TNR: variants seen among roughly 807,000 people sequenced by gnomAD.
TNR encodes the protein tenascin-R.
TNR carries 45 observed loss-of-function variants against 150.4 expected under a neutral mutation model. The ratio of observed to expected loss-of-function variants is 0.30; its 90% CI spans 0.24 to 0.38. TNR has a LOEUF of 0.38. TNR is among the 10% of genes least tolerant of loss of function. The pLI is 1.00. For missense variants in TNR, 1,544 were observed against 1,759.1 expected, an observed-to-expected ratio of 0.88 and a Z score of 2.19; for synonymous variants, 687 against 678.4, an observed-to-expected ratio of 1.01 and a Z score of -0.20.
chr1:175,592,110 T>A (rs575862152), intron 1 of TNR, among the ~76,000 whole-genome samples: 3 of 152,338 alleles, frequency 2.0e-5, no homozygotes, highest in Admixed American at 2.0e-4. Flanking sequence ...AGTTACTCAA[T>A]CTTTTGAAGA....
At chr1:175,500,159 G>A (rs61261957) in intron 2 of TNR, among the ~76,000 whole-genome samples, 2,109 of 152,240 alleles carry the variant, frequency 0.014, 54 homozygotes, top group African/African-American at 0.048. Flanking sequence ...CACCACCTGG[G>A]GGACGTGAAT....
rs146780951 is a variant in TNR, at chr1:175,379,733, G to A, written c.1782C>T (p.Ile594=). The change falls in exon 9 of 23, where the codon ATC becomes ATT. Residue 594 remains isoleucine, a synonymous_variant. Transcript: ENST00000367674. The part of the protein sequence containing the change: ...DSATTQFTTE[I]DAPKNLRVGS... ...CAACTCGCAAGTTCTTGGGGGCATC[G>A]ATCTCTAAAAATAGACAGACATCAC... 65 of 1,613,918 alleles carry A rather than the reference G, an allele frequency of 4.0e-5. 1 individual carries two copies. In the African/African-American group the frequency reaches 5.7e-4, roughly 14 times the overall value.
intron 1 of TNR, among the ~76,000 whole-genome samples, chr1:175,670,393 G>C (rs1485062851): frequency 6.6e-6 from 1 of 152,142 alleles, no homozygotes; most frequent in African/African-American, 2.4e-5. Context: ...GGGTAAAAAA[G>C]GCAGAGGTGG....
At chr1:175,348,585 G>C (rs2102000493) in intron 18 of TNR, among the ~76,000 whole-genome samples, 1 of 152,296 alleles carries the variant, frequency 6.6e-6, no homozygotes, top group Non-Finnish European at 1.5e-5. Flanking sequence ...AAACAGATCT[G>C]AGAGTAGAAT....
intron 1 of TNR, among the ~76,000 whole-genome samples, chr1:175,676,463 C>T (rs577561479): frequency 6.6e-6 from 1 of 152,172 alleles, no homozygotes; most frequent in South Asian, 2.1e-4. Flanking sequence ...GTGTTGAGAC[C>T]AGCAAGCGGA....
chr1:175,366,108 G>A lies in TNR; in HGVS notation c.2084C>T (p.Thr695Ile). Residue 695 changes from threonine to isoleucine, a missense_variant, in exon 11 of 23, where the codon ACA becomes ATA. Physicochemically the swap from Thr to Ile is moderately conservative, Grantham distance 89. This residue lies in a region of TNR where 1,254 missense variants were observed against 1,329.4 expected (regional missense o/e 0.94). Coordinates refer to ENST00000367674, the MANE Select transcript of TNR (RefSeq NM_003285.3). ...ELDSPRDLMV[T>I]ASSETSISLI... The stretch of plus-strand genomic sequence containing the variant: ...GGAGATGGAGGTCTCCGAGGAGGCT[G>A]TCACCATGAGGTCTCGGGGACTGTC... 6.2e-7 allele frequency: 1 copy of A among 1,611,790 alleles called. No individual in the cohort carries two copies. The highest frequency in any genetic ancestry group is 1.1e-5 in the South Asian group (1 of 90,734).
At chr1:175,700,371 G>T (rs148982440) in intron 1 of TNR, among the ~76,000 whole-genome samples, 100 of 152,300 alleles carry the variant, frequency 6.6e-4, no homozygotes, top group Admixed American at 1.7e-3. Flanking sequence ...CACTATTGTA[G>T]CTACGGGACC....
chr1:175,425,834 A>C lies in TNR; in HGVS notation c.-63-19057T>G, dbSNP rs558979842. Among the ~76,000 whole-genome samples, 7 of 152,274 alleles carry C rather than the reference A, an allele frequency of 4.6e-5. No individual in the cohort carries two copies. The East Asian group carries it at 1.4e-3, about 29-fold the overall frequency. ...CTAAGCAGTGAGTAAGGTGAAAAAC[A>C]ATGCTGAGAGTTTCAGGGCATTATT... is the stretch of plus-strand genomic sequence containing the variant. On this transcript the variant is annotated intron_variant, in intron 2 of 22. Transcript: ENST00000367674.
At chr1:175,723,934 T>C (rs1571791980) in intron 1 of TNR, among the ~76,000 whole-genome samples, 1 of 152,266 alleles carries the variant, frequency 6.6e-6, no homozygotes, top group South Asian at 2.1e-4. Context: ...CAAATTTATA[T>C]ATAAAGTATA....
chr1:175,735,308 G>A (rs1189278634), intron 1 of TNR, among the ~76,000 whole-genome samples: 1 of 152,168 alleles, frequency 6.6e-6, no homozygotes, highest in Non-Finnish European at 1.5e-5. Flanking sequence ...GTTGGGAGGA[G>A]GGAAAGAGGG....
intron 1 of TNR, among the ~76,000 whole-genome samples, chr1:175,652,056 G>A (rs1387331957): frequency 2.0e-5 from 3 of 148,910 alleles, no homozygotes; most frequent in Non-Finnish European, 1.5e-5. Flanking sequence ...TTTTTAATCT[G>A]ATAAAAGCTA....
rs1362706168 is a variant in TNR, at chr1:175,453,747, GT to G, written c.-63-46971del. On this transcript the variant is annotated intron_variant, in intron 2 of 22. Coordinates refer to ENST00000367674, the MANE Select transcript of TNR (RefSeq NM_003285.3). ...CCACCACACCTGGCTAATTAAAAAA[GT>G]TTTTTTTAGAGACTATGTCTCGCTT... 4.6e-5 allele frequency among the ~76,000 whole-genome samples: 7 copies of G among 151,500 alleles called. No homozygotes were observed. In the South Asian group the frequency reaches 6.3e-4, roughly 14 times the overall value.
intron 1 of TNR, among the ~76,000 whole-genome samples, chr1:175,579,165 T>TTTCTTTCCTTCCTTCCTTCC (rs1553242566): frequency 7.4e-6 from 1 of 134,380 alleles, no homozygotes; most frequent in Non-Finnish European, 1.6e-5. Context: ...TCGTTCCTTC[T>TTTCTTTCCTTCCTTCCTTCC]TTCCTTCCTT....
At chr1:175,586,561 C>T (rs1662583230) in intron 1 of TNR, among the ~76,000 whole-genome samples, 1 of 152,172 alleles carries the variant, frequency 6.6e-6, no homozygotes. Context: ...CCACCTCAGC[C>T]TCCCAAAGTG....
intron 18 of TNR, among the ~76,000 whole-genome samples, chr1:175,352,021 C>T (rs372817569): frequency 2.0e-5 from 3 of 152,210 alleles, no homozygotes; most frequent in Non-Finnish European, 2.9e-5. Context: ...CATTATTCTG[C>T]CTCCTCTCCA....
intron 3 of TNR, 82 bp downstream of exon 3, chr1:175,406,134 T>G (rs1178511776): frequency 3.3e-6 from 5 of 1,519,802 alleles, no homozygotes; most frequent in East Asian, 2.3e-5. Context: ...GGAAGTGCAT[T>G]GGTCCTTCTT....
intron 1 of TNR, among the ~76,000 whole-genome samples, chr1:175,596,264 C>T (rs187274278): frequency 2.6e-5 from 4 of 152,218 alleles, no homozygotes; most frequent in Admixed American, 1.3e-4. Flanking sequence ...TGTTTCTGCA[C>T]GGTAAGAAGG....
chr1:175,736,337 T>C (rs6659566), intron 1 of TNR, among the ~76,000 whole-genome samples: 3 of 151,958 alleles, frequency 2.0e-5, no homozygotes, highest in East Asian at 1.9e-4. Context: ...CTGGCTAACA[T>C]GGTGAAACCT....
chr1:175,376,485 T>C (rs1652384437), intron 9 of TNR, among the ~76,000 whole-genome samples: 3 of 152,194 alleles, frequency 2.0e-5, no homozygotes, highest in African/African-American at 7.2e-5. Flanking sequence ...GAGTTGAAAG[T>C]CTAGGCTCTT....
Sources: gnomAD v4.1 joint callset for allele counts (sites outside exome capture counted in the v4.1 genomes callset) on GRCh38, gnomAD v4.1.1 for gene constraint, gnomAD v4.1.1 regional missense constraint, MANE v1.5 for transcripts, NCBI Gene and HGNC (gene_info 2026-07-23, HGNC 2026-07-21) for gene names.